The following COL22A1 variants were observed in gnomAD, a reference collection of about 807,000 sequenced individuals.
The protein encoded by COL22A1 is collagen type XXII alpha 1 chain, also known as collagen alpha-1(XXII) chain.
COL22A1 carries 221 observed loss-of-function variants against 248.9 expected under a neutral mutation model. The ratio of observed to expected loss-of-function variants is 0.89; its 90% CI spans 0.80 to 0.99. The LOEUF is 0.99. COL22A1 is among the 50% of genes least tolerant of loss of function. COL22A1 has a pLI of 0.00. For missense variants in COL22A1, 2,240 were observed against 2,179.0 expected (o/e 1.03, Z -0.56); for synonymous variants, 891 against 793.4 (o/e 1.12, Z -2.07).
At chr8:138,750,162 G>A (rs112170987) in intron 22 of COL22A1, among the ~76,000 whole-genome samples, 5,972 of 152,166 alleles carry the variant, frequency 0.039, 195 homozygotes, top group Non-Finnish European at 0.055. Flanking sequence ...TGGGACCTCC[G>A]CAGCCATGTG....
At chr8:138,701,430 G>T (rs1045252724) in intron 31 of COL22A1, among the ~76,000 whole-genome samples, 1 of 152,102 alleles carries the variant, frequency 6.6e-6, no homozygotes, top group Non-Finnish European at 1.5e-5. Flanking sequence ...ATTAAAAAAA[G>T]ATGGAAAAAA....
At position 138,780,967 on chromosome 8, in the gene COL22A1, A is replaced by G; in HGVS notation, c.1610T>C (p.Leu537Pro). ...GCCGTCTCTCCCAGGGGGGCCGGGC[A>G]GGCCCAGGGAACCCTAAAGCCAAAA... ...GEKGEKGSLG[L>P]PGPPGRDGSK... Residue 537 changes from leucine to proline, a missense_variant, in exon 13 of 65, where the codon CTG becomes CCG. Physicochemically the swap from Leu to Pro is moderately conservative, Grantham distance 98 (BLOSUM62 -3). Transcript: ENST00000303045. 6.2e-7 allele frequency: 1 copy of G among 1,600,582 alleles called. No individual in the cohort carries two copies. The highest frequency in any genetic ancestry group is 8.5e-7 in the Non-Finnish European group (1 of 1,176,102).
intron 30 of COL22A1, among the ~76,000 whole-genome samples, chr8:138,714,901 A>G (rs1829310618): frequency 1.3e-5 from 2 of 152,148 alleles, no homozygotes; most frequent in African/African-American, 4.8e-5. Context: ...GTCAGGGCAC[A>G]TGGGGTTTTT....
At chr8:138,732,418 G>A (rs1441508277) in intron 23 of COL22A1, among the ~76,000 whole-genome samples, 1 of 152,212 alleles carries the variant, frequency 6.6e-6, no homozygotes, top group Non-Finnish European at 1.5e-5. Context: ...AATCCCAGGT[G>A]GCCTCATACT....
chr8:138,840,810 CTA>C (rs1191533522), intron 4 of COL22A1, among the ~76,000 whole-genome samples: 1 of 152,096 alleles, frequency 6.6e-6, no homozygotes, highest in Non-Finnish European at 1.5e-5. Flanking sequence ...TGGGGTTTCA[CTA>C]TGTTGCCCAG....
intron 3 of COL22A1, among the ~76,000 whole-genome samples, chr8:138,857,536 C>T (rs1478302287): frequency 1.3e-5 from 2 of 152,122 alleles, no homozygotes; most frequent in Non-Finnish European, 2.9e-5. Flanking sequence ...GGGCATGGAG[C>T]TGCTCCTGAC....
chr8:138,679,576 CTTCT>C (rs1345150552), intron 40 of COL22A1, 37 bp downstream of exon 40: 6 of 1,574,006 alleles, frequency 3.8e-6, no homozygotes, highest in Non-Finnish European at 5.2e-6. Context: ...CTGTCTTGTC[CTTCT>C]GTCTTTTTGC....
intron 22 of COL22A1, among the ~76,000 whole-genome samples, chr8:138,740,819 A>G (rs1443523667): frequency 6.6e-6 from 1 of 152,172 alleles, no homozygotes; most frequent in African/African-American, 2.4e-5. Context: ...GAGAAGCCTC[A>G]GGGTAACATC....
Position 138,655,959 on chromosome 8 carries a change from A to G in COL22A1, c.3286-15T>C. On this transcript the variant is annotated splice_polypyrimidine_tract_variant and intron_variant, in intron 44 of 64. Transcript: ENST00000303045. The stretch of plus-strand genomic sequence containing the variant: ...GAAGAGAGGCCCTGTCAAAATAAAA[A>G]GAAACAAACACATACGTACATGCAT... 6.2e-7 allele frequency: 1 copy of G among 1,603,216 alleles called. No homozygotes were observed. The highest frequency in any genetic ancestry group is 8.5e-7 in the Non-Finnish European group (1 of 1,170,920).
At chr8:138,633,070 G>A (rs532208064) in intron 49 of COL22A1, among the ~76,000 whole-genome samples, 46 of 152,274 alleles carry the variant, frequency 3.0e-4, no homozygotes, top group African/African-American at 1.0e-3. Flanking sequence ...TTCCAACAGG[G>A]CCTGACAATT....
intron 21 of COL22A1, among the ~76,000 whole-genome samples, chr8:138,753,254 C>T (rs1010161340): frequency 6.6e-6 from 1 of 152,198 alleles, no homozygotes; most frequent in Non-Finnish European, 1.5e-5. Context: ...TAAGTTCCCA[C>T]CATGTGATAA....
intron 63 of COL22A1, among the ~76,000 whole-genome samples, chr8:138,592,103 A>C (rs1817118438): frequency 6.6e-6 from 1 of 152,240 alleles, no homozygotes; most frequent in African/African-American, 2.4e-5. Context: ...AAATTCAATA[A>C]GAGAAATCAA....
chr8:138,605,637 G>A (rs1370964945), intron 58 of COL22A1, among the ~76,000 whole-genome samples: 1 of 152,114 alleles, frequency 6.6e-6, no homozygotes, highest in Non-Finnish European at 1.5e-5. Context: ...AAGAACATGG[G>A]TAAGCTCTCT....
chr8:138,835,976 A>G (rs1263457576), intron 4 of COL22A1, among the ~76,000 whole-genome samples: 1 of 152,220 alleles, frequency 6.6e-6, no homozygotes, highest in Non-Finnish European at 1.5e-5. Context: ...TGGGACATTA[A>G]GAATAACCAG....
At chr8:138,790,371 G>A (rs994106709) in intron 12 of COL22A1, among the ~76,000 whole-genome samples, 4 of 152,158 alleles carry the variant, frequency 2.6e-5, no homozygotes, top group Non-Finnish European at 5.9e-5. Context: ...CCATCACCTT[G>A]GGGGTTAGGA....
intron 56 of COL22A1, among the ~76,000 whole-genome samples, chr8:138,610,046 C>A (rs1818737725): frequency 6.6e-6 from 1 of 152,240 alleles, no homozygotes; most frequent in Admixed American, 6.5e-5. Context: ...ACACATCAGC[C>A]AGTCTGGGTG....
chr8:138,896,859 G>C (rs1275466825), intron 1 of COL22A1, among the ~76,000 whole-genome samples: 4 of 152,066 alleles, frequency 2.6e-5, no homozygotes, highest in Non-Finnish European at 5.9e-5. Context: ...TGTAATCCCA[G>C]CTACTTGCGG....
intron 34 of COL22A1, 102 bp from the exon 35 acceptor site, chr8:138,693,801 T>C: frequency 7.8e-7 from 1 of 1,289,050 alleles, no homozygotes; most frequent in Non-Finnish European, 1.1e-6. Flanking sequence ...ATCAGAAGCA[T>C]TATTCCAAAC....
At chr8:138,769,633 A>T (rs1332120529) in intron 16 of COL22A1, among the ~76,000 whole-genome samples, 1 of 152,134 alleles carries the variant, frequency 6.6e-6, no homozygotes, top group African/African-American at 2.4e-5. Context: ...CGGACTTGGT[A>T]CCTGAGATCT....
Sources: allele counts gnomAD v4.1 joint callset (sites outside exome capture counted in the v4.1 genomes callset), GRCh38; gene constraint gnomAD v4.1.1; transcripts MANE v1.5; gene names NCBI Gene and HGNC (gene_info 2026-07-23, HGNC 2026-07-21).